NAV2: variants seen among roughly 807,000 people sequenced by gnomAD.
NAV2 encodes helicase, APC down-regulated 1.
NAV2 carries 54 observed loss-of-function variants against 223.2 expected under a neutral mutation model. The ratio of observed to expected loss-of-function variants is 0.24; its 90% confidence interval spans 0.19 to 0.30. The LOEUF is 0.30. NAV2 is among the 10% of genes least tolerant of loss of function. NAV2 has a pLI of 1.00. For missense variants in NAV2, 2,806 were observed against 3,147.5 expected, an observed-to-expected ratio of 0.89 and a Z score of 2.60; for synonymous variants, 1,279 against 1,239.3, an observed-to-expected ratio of 1.03 and a Z score of -0.67.
chr11:19,918,829 C>T (rs1168896583), intron 6 of NAV2, among the ~76,000 whole-genome samples: 4 of 152,294 alleles, frequency 2.6e-5, no homozygotes, highest in South Asian at 2.1e-4. Flanking sequence ...CACTTGCCCT[C>T]GGACTGAGTT....
chr11:20,116,832 C>G (rs1178750547), intron 37 of NAV2, among the ~76,000 whole-genome samples: 1 of 152,218 alleles, frequency 6.6e-6, no homozygotes, highest in African/African-American at 2.4e-5. Context: ...TAGCTCTCTT[C>G]TGTATTAATC....
At chr11:19,885,496 T>C (rs1204938642) in intron 5 of NAV2, among the ~76,000 whole-genome samples, 2 of 152,222 alleles carry the variant, frequency 1.3e-5, no homozygotes, top group African/African-American at 4.8e-5. Context: ...TTATGACTGG[T>C]ATTTATTTTT....
intron 1 of NAV2, among the ~76,000 whole-genome samples, chr11:19,717,943 A>G (rs767528049): frequency 1.3e-5 from 2 of 152,164 alleles, no homozygotes; most frequent in Non-Finnish European, 2.9e-5. Context: ...GAAAAGACCT[A>G]ACTTAGCCAG....
intron 22 of NAV2, among the ~76,000 whole-genome samples, chr11:20,070,773 C>G (rs1366474967): frequency 6.6e-6 from 1 of 152,066 alleles, no homozygotes; most frequent in Non-Finnish European, 1.5e-5. Flanking sequence ...TTGTGTGTGG[C>G]TCTGAACCAG....
intron 3 of NAV2, among the ~76,000 whole-genome samples, chr11:19,852,498 T>C (rs1458275782): frequency 1.3e-5 from 2 of 152,248 alleles, no homozygotes; most frequent in East Asian, 3.8e-4. Context: ...TACTAAGCTG[T>C]CATGGGAGAG....
Position 19,998,709 on chromosome 11 carries a change from C to CG in NAV2, c.2768+14462_2768+14463insG, listed in dbSNP as rs1450328452. On this transcript the variant is annotated intron_variant, in intron 11 of 37. Transcript: ENST00000349880. This position sits in a 1 kb window ranked among gnomAD's most constrained non-coding sequence, Gnocchi z 5.0. ...CCCTCTGCATAGACTGTGCTTCCCC[C>CG]CCTCTCTCCTTTTCTCCTTATAAGC... 1.3e-5 allele frequency among the ~76,000 whole-genome samples: 2 copies of CG among 152,088 alleles called. No homozygotes were observed. Among genetic ancestry groups the CG allele is most frequent in the African/African-American group, 4.8e-5 (2 of 41,422 alleles).
At chr11:19,510,739 T>A (rs1233663382) in intron 1 of NAV2, among the ~76,000 whole-genome samples, 1 of 125,704 alleles carries the variant, frequency 8.0e-6, no homozygotes, top group African/African-American at 2.8e-5. Flanking sequence ...ATCATTTTGT[T>A]TTTTTCATCT....
intron 1 of NAV2, among the ~76,000 whole-genome samples, chr11:19,808,572 CT>C (rs2058695758): frequency 6.6e-6 from 1 of 152,080 alleles, no homozygotes; most frequent in Non-Finnish European, 1.5e-5. Context: ...TTTGTTATCT[CT>C]GGCAAAAGAG....
At chr11:19,768,775 C>A (rs2055451030) in intron 1 of NAV2, among the ~76,000 whole-genome samples, 2 of 152,230 alleles carry the variant, frequency 1.3e-5, no homozygotes, top group South Asian at 4.1e-4. Flanking sequence ...ATTTGCTTAA[C>A]ACTTGTGTAC....
chr11:19,520,538 T>C (rs749832524), intron 1 of NAV2, among the ~76,000 whole-genome samples: 59 of 152,292 alleles, frequency 3.9e-4, no homozygotes, highest in Middle Eastern at 3.4e-3. Flanking sequence ...CTGCTTTCCA[T>C]TCAGTGACAG....
intron 1 of NAV2, among the ~76,000 whole-genome samples, chr11:19,655,029 T>A (rs9737399): frequency 6.6e-5 from 10 of 151,976 alleles, no homozygotes; most frequent in Non-Finnish European, 1.5e-4. Context: ...TACAATGAAC[T>A]CCAACAAATT....
intron 11 of NAV2, among the ~76,000 whole-genome samples, chr11:20,006,837 G>A (rs2053121801): frequency 6.6e-6 from 1 of 152,088 alleles, no homozygotes; most frequent in African/African-American, 2.4e-5. Flanking sequence ...GGGCAACAGA[G>A]CAAGACCCTA....
intron 4 of NAV2, among the ~76,000 whole-genome samples, chr11:19,873,215 G>A (rs1295073539): frequency 6.6e-6 from 1 of 152,156 alleles, no homozygotes; most frequent in Non-Finnish European, 1.5e-5. Context: ...GTACACCAGT[G>A]ATCAAGCCAG....
intron 11 of NAV2, among the ~76,000 whole-genome samples, chr11:20,007,203 C>T (rs973400252): frequency 2.0e-5 from 3 of 151,906 alleles, no homozygotes; most frequent in Admixed American, 1.3e-4. Context: ...CGGCTTTGGC[C>T]CCTCAAAAGT....
intron 10 of NAV2, among the ~76,000 whole-genome samples, chr11:19,952,458 A>C (rs2047476937): frequency 6.6e-6 from 1 of 152,206 alleles, no homozygotes; most frequent in East Asian, 1.9e-4. Flanking sequence ...TATCTCCCTC[A>C]AACATCCAGG....
At chr11:20,064,525 A>G (rs540870843) in intron 20 of NAV2, among the ~76,000 whole-genome samples, 2 of 152,272 alleles carry the variant, frequency 1.3e-5, no homozygotes, top group East Asian at 3.9e-4. Flanking sequence ...ACTGGCCAGC[A>G]TTATGCAGAC....
chr11:19,605,535 T>TAAA (rs542244329), intron 1 of NAV2, among the ~76,000 whole-genome samples: 1 of 136,002 alleles, frequency 7.4e-6, no homozygotes, highest in South Asian at 2.4e-4. Flanking sequence ...AAATATTATT[T>TAAA]AAAAAAAAAA....
intron 1 of NAV2, among the ~76,000 whole-genome samples, chr11:19,382,799 G>A (rs1017241027): frequency 1.3e-5 from 2 of 152,204 alleles, no homozygotes; most frequent in African/African-American, 4.8e-5. Context: ...GGTACAGAGA[G>A]ATTAAGTGGC....
intron 18 of NAV2, among the ~76,000 whole-genome samples, chr11:20,054,661 A>G (rs1436975706): frequency 3.3e-5 from 5 of 152,222 alleles, no homozygotes; most frequent in Admixed American, 3.3e-4. Flanking sequence ...ATTTTATCGC[A>G]TATCCCATGT....
Sources: allele counts gnomAD v4.1 joint callset (sites outside exome capture counted in the v4.1 genomes callset), GRCh38; gene constraint gnomAD v4.1.1; non-coding constraint Gnocchi (gnomAD v3.1); transcripts MANE v1.5; gene names NCBI Gene and HGNC (gene_info 2026-07-23, HGNC 2026-07-21).